The following FLT4 variants were observed in gnomAD, a reference collection of about 807,000 sequenced individuals.
The protein encoded by FLT4 is fms related receptor tyrosine kinase 4.
In FLT4, 30 loss-of-function variants were observed where a neutral mutation model predicts 163.2. The observed-to-expected ratio is 0.18, with a 90% CI of 0.14 to 0.25. The LOEUF (loss-of-function observed/expected upper bound fraction) is 0.25, where lower values mean the gene tolerates loss of function less well. Ranked by LOEUF, FLT4 falls within the 10% of genes least tolerant of loss-of-function variation. The probability of loss-of-function intolerance (pLI) is 1.00; values close to 1 mark genes in which losing one functional copy is unlikely to be tolerated. For synonymous variants in FLT4, 884 were observed against 789.5 expected, an observed-to-expected ratio of 1.12 and a Z score of -2.01; for missense variants, 1,510 against 1,863.8, an observed-to-expected ratio of 0.81 and a Z score of 3.50.
chr5:180,610,167 G>T, intron 27 of FLT4, 142 bp from the exon 28 acceptor site: 1 of 1,113,708 alleles, frequency 9.0e-7, no homozygotes, highest in Non-Finnish European at 1.3e-6. Context: ...GGGCCTGAGT[G>T]CTGGCAGGGG....
rs114485753 is a variant in FLT4, at chr5:180,633,830, G to A, written c.59-2052C>T. On this transcript the variant is annotated intron_variant, in intron 1 of 29. Transcript: ENST00000261937. Reference sequence around the variant, plus strand: ...ACTCTACCTTCCCAGTGGACCTAGCGGGAGGTCAGGAGACCAGGCTCGAGG... The same window carrying A: ...ACTCTACCTTCCCAGTGGACCTAGCAGGAGGTCAGGAGACCAGGCTCGAGG... 2.6e-3 allele frequency among the ~76,000 whole-genome samples: 390 copies of A among 152,266 alleles called. 2 individuals are homozygous for A. The highest frequency in any genetic ancestry group is 8.6e-3 in the African/African-American group (359 of 41,548).
At chr5:180,649,847 C>T (rs1428000841), upstream of FLT4, among the ~76,000 whole-genome samples, 1 of 152,102 alleles carries the variant, frequency 6.6e-6, no homozygotes, top group Non-Finnish European at 1.5e-5. Flanking sequence ...GTGATGGAGC[C>T]TGGTGGGCAA....
At chr5:180,607,454 G>A (rs1327321792) in intron 29 of FLT4, among the ~76,000 whole-genome samples, 1 of 151,948 alleles carries the variant, frequency 6.6e-6, no homozygotes, top group East Asian at 2.0e-4. Context: ...TGGCTAACAT[G>A]GCGAAACCCG....
chr5:180,603,530 G>A lies in FLT4; in HGVS notation c.3894-140C>T, dbSNP rs1761618652. The A allele has an allele frequency of 9.1e-6, 7 of 766,706 alleles. No individual in the cohort carries two copies. The Admixed American group carries it at 1.5e-4, about 16-fold the overall frequency. The allele number at this position is 766,706 out of a possible 1,614,324, so 47.5% of individuals were successfully genotyped here. On this transcript the variant is annotated intron_variant, in intron 29 of 29. Coordinates refer to ENST00000261937, the MANE Select transcript of FLT4 (RefSeq NM_182925.5). ...AGTTAGAGTCCAGCCCAGGCAACAT[G>A]GGGAAACCCCGTCTCTACAAAAAAT...
rs755284333 is a variant in FLT4, at chr5:180,623,873, A to G, written c.1548+62T>C. 1.9e-6 allele frequency: 3 copies of G among 1,600,990 alleles called. No individual in the cohort carries two copies. The highest frequency in any genetic ancestry group is 1.3e-5 in the African/African-American group (1 of 74,812). On this transcript the variant is annotated intron_variant, in intron 11 of 29. Transcript: ENST00000261937. The surrounding 1 kb of genome is among the most constrained non-coding windows in gnomAD (Gnocchi z 5.8). ...GCCAGGTGGAAACCACATGGCAGTAATGGCCTCTCTCTCCTCCCTTCTCCT... is the reference window on the plus strand; with the variant it reads ...GCCAGGTGGAAACCACATGGCAGTAGTGGCCTCTCTCTCCTCCCTTCTCCT...
At chr5:180,638,376 C>G (rs1029129474) in intron 1 of FLT4, among the ~76,000 whole-genome samples, 5 of 152,194 alleles carry the variant, frequency 3.3e-5, no homozygotes, top group African/African-American at 1.2e-4. Flanking sequence ...GGCCAGACCA[C>G]TGAAGCCTGT....
chr5:180,642,246 C>A (rs1034508680), intron 1 of FLT4, among the ~76,000 whole-genome samples: 5 of 151,636 alleles, frequency 3.3e-5, no homozygotes, highest in Non-Finnish European at 5.9e-5. Context: ...CTGGCTCATG[C>A]ACACGGATCC....
intron 1 of FLT4, among the ~76,000 whole-genome samples, chr5:180,643,954 T>C (rs192060396): frequency 1.1e-4 from 17 of 152,264 alleles, no homozygotes; most frequent in Admixed American, 5.9e-4. Context: ...CCCGAGTAGT[T>C]GGGATTACAG....
chr5:180,611,438 G>A lies in FLT4; in HGVS notation c.3579C>T (p.Ser1193=), dbSNP rs1205335395. ...CCTGCGAGAAGCTGCCCTCTTCTGA[G>A]CTCTGAGAGCTGCGCGGGGCCATGC... ...EVCMAPRSSQ[S]SEEGSFSQVS... is the part of the protein sequence containing the mutation. Residue 1193 remains serine (S), a synonymous_variant, in exon 27 of 30, where the codon AGC becomes AGT. Transcript: ENST00000261937. 6 of 1,614,016 alleles carry A rather than the reference G, an allele frequency of 3.7e-6. 1 individual carries two copies. In the Middle Eastern group the frequency reaches 5.0e-4, roughly 133 times the overall value.
At chr5:180,609,698 G>T in intron 28 of FLT4, 1 of 592,852 alleles carries the variant, frequency 1.7e-6, no homozygotes, top group Non-Finnish European at 3.0e-6. Context: ...CCTCGTGTGG[G>T]GGTGACGAGG....
chr5:180,640,112 T>C (rs889842148), intron 1 of FLT4, among the ~76,000 whole-genome samples: 29 of 151,972 alleles, frequency 1.9e-4, no homozygotes, highest in South Asian at 4.2e-4. Context: ...CACAGGAGGG[T>C]CCTGCACCTC....
rs773353261 is a variant in FLT4, at chr5:180,630,267, G to A, written c.471C>T (p.Pro157=). 1 of 1,612,658 alleles carries A rather than the reference G, an allele frequency of 6.2e-7. No homozygotes were observed. Among genetic ancestry groups the A allele is most frequent in the South Asian group, 1.1e-5 (1 of 91,086 alleles). ...TGAGGCCGGGGATGGACACCAGACA[G>A]GGCACCCACATGGCGTCCTTCCTGT... ...LVNRKDAMWV[P]CLVSIPGLNV... is the part of the protein sequence containing the mutation. Residue 157 remains proline, a synonymous_variant, in exon 4 of 30, where the codon CCC becomes CCT. Transcript: ENST00000261937. This position sits in a 1 kb window ranked among gnomAD's most constrained non-coding sequence, Gnocchi z 6.3.
In FLT4 at chr5:180,649,584, G is replaced by A. The variant is rs1007979067; in HGVS notation, c.-39C>T. 10 of 1,308,614 alleles carry A rather than the reference G, an allele frequency of 7.6e-6. No homozygotes were observed. Among genetic ancestry groups the A allele is most frequent in the Middle Eastern group, 2.9e-4 (1 of 3,432 alleles). 81.1% of individuals were successfully genotyped at this position (1,308,614 alleles called of 1,614,324 possible). Reference sequence around the variant, plus strand: ...GCGTGGGTCCGACCCGAGCGGCCGCGGCTCGGGGCTGAAAGTGTCCGCGCG... The same window carrying A: ...GCGTGGGTCCGACCCGAGCGGCCGCAGCTCGGGGCTGAAAGTGTCCGCGCG... On this transcript the variant is annotated 5_prime_UTR_variant, in exon 1 of 30. Transcript: ENST00000261937.
At chr5:180,622,867 T>C (rs1396097866) in intron 11 of FLT4, 28 bp from the exon 12 acceptor site, 1 of 1,519,616 alleles carries the variant, frequency 6.6e-7, no homozygotes, top group Admixed American at 1.7e-5. Context: ...CAAGGATCCA[T>C]TTCCTGCCCA....
chr5:180,629,581 G>T lies in FLT4; in HGVS notation c.816+115C>A, dbSNP rs78894531. ...GGGTGGAACACTTGCCACTCAGACCGGGGCCCCTGGGGCAGGCCTGGGCCC... is the reference window on the plus strand; with the variant it reads ...GGGTGGAACACTTGCCACTCAGACCTGGGCCCCTGGGGCAGGCCTGGGCCC... On this transcript the variant is annotated intron_variant, in intron 6 of 29. Transcript: ENST00000261937. The T allele has an allele frequency of 1.5e-4, 224 of 1,459,538 alleles. 3 individuals carry two copies. The Admixed American group carries it at 4.2e-3, about 27-fold the overall frequency. 90.4% of individuals were successfully genotyped at this position (1,459,538 alleles called of 1,614,324 possible).
chr5:180,601,734 G>A lies in FLT4; in HGVS notation c.*1458C>T, dbSNP rs565625241. On this transcript the variant is annotated 3_prime_UTR_variant, in exon 30 of 30. Transcript: ENST00000261937. ...GGGAAGCCTGACACGCCAGTCCCACGTTGGACGACGTGCAGAGGAAGGGGG... is the reference window on the plus strand; with the variant it reads ...GGGAAGCCTGACACGCCAGTCCCACATTGGACGACGTGCAGAGGAAGGGGG... 1.6e-4 allele frequency: 38 copies of A among 233,168 alleles called. No homozygotes were observed. Among genetic ancestry groups the A allele is most frequent in the Middle Eastern group, 2.5e-3 (2 of 786 alleles). 14.4% of individuals were successfully genotyped at this position (233,168 alleles called of 1,614,324 possible).
At chr5:180,624,543 G>T (rs1478781620) in intron 10 of FLT4, among the ~76,000 whole-genome samples, 1 of 152,076 alleles carries the variant, frequency 6.6e-6, no homozygotes, top group Non-Finnish European at 1.5e-5. Context: ...CTGGAGCTCT[G>T]TCTCCCACCC....
At position 180,630,942 on chromosome 5, in the gene FLT4, C is replaced by A. The variant is rs1383977406; in HGVS notation, c.156-143G>T. ...CCAGGGTTTGGGCGCACACTACAGA[C>A]CGTGCCCAGGGCAGGGCACTCCCCG... On this transcript the variant is annotated intron_variant, in intron 2 of 29. Transcript: ENST00000261937. This position sits in a 1 kb window ranked among gnomAD's most constrained non-coding sequence, Gnocchi z 6.3. 5 of 1,051,008 alleles carry A rather than the reference C, an allele frequency of 4.8e-6. No individual in the cohort carries two copies. Among genetic ancestry groups the A allele is most frequent in the Non-Finnish European group, 6.7e-6 (5 of 746,696 alleles). The allele number at this position is 1,051,008 out of a possible 1,614,324, so 65.1% of individuals were successfully genotyped here.
At position 180,607,334 on chromosome 5, in the gene FLT4, C is replaced by T. The variant is rs370418490; in HGVS notation, c.3893+1634G>A. The stretch of plus-strand genomic sequence containing the variant: ...AAGAGACTGAAGGCACAAACTGTTT[C>T]AGTATAATAAAGAAAACAGTGGCCG... On this transcript the variant is annotated intron_variant, in intron 29 of 29. Transcript: ENST00000261937. 3.3e-5 allele frequency among the ~76,000 whole-genome samples: 5 copies of T among 152,132 alleles called. No individual in the cohort carries two copies. In the East Asian group the frequency reaches 5.8e-4, roughly 18 times the overall value.
Sources: allele counts gnomAD v4.1 joint callset (sites outside exome capture counted in the v4.1 genomes callset), GRCh38; gene constraint gnomAD v4.1.1; non-coding constraint Gnocchi (gnomAD v3.1); transcripts MANE v1.5; gene names NCBI Gene and HGNC (gene_info 2026-07-23, HGNC 2026-07-21).